Variants in PCDHA9 observed in about 807,000 individuals in gnomAD.
The protein encoded by PCDHA9 is protocadherin alpha-9.
A neutral mutation model predicts 62.0 loss-of-function variants in PCDHA9; 62 were observed. The ratio of observed to expected loss-of-function variants is 1.00; its 90% CI spans 0.81 to 1.23. PCDHA9 has a LOEUF of 1.23. Among genes scored for constraint, PCDHA9 ranks in the 50% most tolerant of loss-of-function variants. PCDHA9 has a pLI of 0.00. For missense variants in PCDHA9, 1,205 were observed against 1,249.8 expected, an observed-to-expected ratio of 0.96 and a Z score of 0.54; for synonymous variants, 557 against 567.6, an observed-to-expected ratio of 0.98 and a Z score of 0.27.
In PCDHA9 at chr5:140,883,463, T is replaced by C. The variant is rs1028584234; in HGVS notation, c.2394+32574T>C. On this transcript the variant is annotated intron_variant, in intron 1 of 3. Transcript: ENST00000532602. ...GCCGCATGTCCCCTTCAAGCTGGTGTCCACCTACAAGAACTACTACTCATT... is the reference window on the plus strand; with the variant it reads ...GCCGCATGTCCCCTTCAAGCTGGTGCCCACCTACAAGAACTACTACTCATT... 44 of 1,614,040 alleles carry C rather than the reference T, an allele frequency of 2.7e-5. No individual in the cohort carries two copies. Among genetic ancestry groups the C allele is most frequent in the Non-Finnish European group, 3.6e-5 (42 of 1,180,048 alleles).
At chr5:140,907,995 C>T (rs1441720086) in intron 1 of PCDHA9, among the ~76,000 whole-genome samples, 9 of 152,166 alleles carry the variant, frequency 5.9e-5, no homozygotes, top group African/African-American at 1.9e-4. Flanking sequence ...AGTCCTTAAC[C>T]ATCCAGCCAA....
chr5:140,884,709 C>T (rs2060331114), intron 1 of PCDHA9: 1 of 1,477,632 alleles, frequency 6.8e-7, no homozygotes. Context: ...CTTTAGCCTT[C>T]CTTGCAGTTG....
At chr5:140,851,161 T>C in intron 1 of PCDHA9, 1 of 1,297,820 alleles carries the variant, frequency 7.7e-7, no homozygotes, top group East Asian at 2.8e-5. Flanking sequence ...TCTGATGCTA[T>C]GCTGCCATAA....
At chr5:140,929,276 G>A (rs1554206920) in intron 1 of PCDHA9, 2 of 1,604,822 alleles carry the variant, frequency 1.2e-6, no homozygotes, top group African/African-American at 1.3e-5. Flanking sequence ...CCAATATCCT[G>A]TATTCAGATT....
At chr5:140,916,072 AC>A (rs1445012621) in intron 1 of PCDHA9, among the ~76,000 whole-genome samples, 4 of 152,054 alleles carry the variant, frequency 2.6e-5, no homozygotes, top group Non-Finnish European at 5.9e-5. Flanking sequence ...TGTGGCCAGT[AC>A]TACCACTGGT....
chr5:140,858,487 C>G (rs896590695), intron 1 of PCDHA9: 5 of 1,499,788 alleles, frequency 3.3e-6, no homozygotes, highest in Non-Finnish European at 4.5e-6. Flanking sequence ...ATAATATTTT[C>G]TCTTACCGCA....
At chr5:140,948,708 C>T (rs1376587735) in intron 1 of PCDHA9, among the ~76,000 whole-genome samples, 1 of 151,114 alleles carries the variant, frequency 6.6e-6, no homozygotes, top group Non-Finnish European at 1.5e-5. Flanking sequence ...TGTGTTCTAT[C>T]CTCTTTTTTA....
chr5:140,982,094 G>T (rs2096965818), intron 2 of PCDHA9, among the ~76,000 whole-genome samples: 1 of 152,230 alleles, frequency 6.6e-6, no homozygotes, highest in Admixed American at 6.5e-5. Context: ...AGGAACAAGA[G>T]AACCTGCAAG....
chr5:140,927,702 C>T (rs533775539), intron 1 of PCDHA9: 2 of 1,614,210 alleles, frequency 1.2e-6, no homozygotes, highest in South Asian at 1.1e-5. Flanking sequence ...AAGTCCAGTA[C>T]TCCCTAAGCA....
chr5:140,940,841 C>T (rs246072), intron 1 of PCDHA9, among the ~76,000 whole-genome samples: 86,358 of 151,986 alleles, frequency 0.57, 25,200 homozygotes, highest in African/African-American at 0.71. Context: ...CCTTTCTTCA[C>T]GATAGATTTT....
chr5:140,930,824 T>C (rs545304113), intron 1 of PCDHA9, among the ~76,000 whole-genome samples: 16 of 152,342 alleles, frequency 1.1e-4, no homozygotes, highest in African/African-American at 3.8e-4. Context: ...TAGTAAATGC[T>C]GACTGAATGA....
intron 1 of PCDHA9, among the ~76,000 whole-genome samples, chr5:140,942,516 G>C (rs1172442572): frequency 2.0e-5 from 3 of 152,004 alleles, no homozygotes; most frequent in African/African-American, 7.3e-5. Flanking sequence ...AAACTCAGAG[G>C]GGAAGCAACT....
At chr5:140,898,321 G>A (rs370229202) in intron 1 of PCDHA9, among the ~76,000 whole-genome samples, 42 of 152,060 alleles carry the variant, frequency 2.8e-4, no homozygotes, top group Non-Finnish European at 1.2e-4. Flanking sequence ...TTATGGTTTT[G>A]GGTCTAACGT....
chr5:140,928,168 A>T, intron 1 of PCDHA9: 3 of 1,614,174 alleles, frequency 1.9e-6, no homozygotes, highest in Non-Finnish European at 2.5e-6. Flanking sequence ...ACCCCCACTT[A>T]GCACCCGAAG....
At chr5:140,955,907 C>A (rs1356508512) in intron 1 of PCDHA9, among the ~76,000 whole-genome samples, 3 of 152,126 alleles carry the variant, frequency 2.0e-5, no homozygotes, top group East Asian at 3.8e-4. Flanking sequence ...CTCTTTGTAG[C>A]AATTGTGAAT....
At position 140,870,296 on chromosome 5, in the gene PCDHA9, C is replaced by T. The variant is rs782782375; in HGVS notation, c.2394+19407C>T. ...CCCCACGTTCCCTTCAAGCTGGTGTCCACCTTCAAGAATTACTACTCGTTG... is the reference window on the plus strand; with the variant it reads ...CCCCACGTTCCCTTCAAGCTGGTGTTCACCTTCAAGAATTACTACTCGTTG... On this transcript the variant is annotated intron_variant, in intron 1 of 3. Transcript: ENST00000532602. 1.2e-5 allele frequency: 20 copies of T among 1,614,086 alleles called. No homozygotes were observed. In the African/African-American group the frequency reaches 2.3e-4, roughly 18 times the overall value.
chr5:140,884,750 A>G, intron 1 of PCDHA9: 1 of 1,431,238 alleles, frequency 7.0e-7, no homozygotes, highest in Non-Finnish European at 9.2e-7. Flanking sequence ...TGCCAATTTC[A>G]AATTATTCTT....
rs557035841 is a variant in PCDHA9, at chr5:140,907,537, A to G, written c.2394+56648A>G. On this transcript the variant is annotated intron_variant, in intron 1 of 3. Coordinates refer to ENST00000532602, the MANE Select transcript of PCDHA9 (RefSeq NM_031857.2). ...GTGAGGACAAATCGCTGCCCTTTCT[A>G]TGATGGAAGAGGTCCAATATAATCA... 7.9e-5 allele frequency among the ~76,000 whole-genome samples: 12 copies of G among 152,370 alleles called. No homozygotes were observed. The South Asian group carries it at 1.2e-3, about 16-fold the overall frequency.
intron 1 of PCDHA9, chr5:140,854,159 CAA>C (rs59855104): frequency 4.1e-3 from 1,382 of 339,958 alleles, no homozygotes; most frequent in Non-Finnish European, 4.7e-3. Flanking sequence ...GATTCTGTCT[CAA>C]AAAAAAAAAA....
Sources: gnomAD v4.1 joint callset for allele counts (sites outside exome capture counted in the v4.1 genomes callset) on GRCh38, gnomAD v4.1.1 for gene constraint, MANE v1.5 for transcripts, NCBI Gene and HGNC (gene_info 2026-07-23, HGNC 2026-07-21) for gene names.